SHANK2: variants seen among roughly 807,000 people sequenced by gnomAD.
The protein encoded by SHANK2 is SH3 and multiple ankyrin repeat domains protein 2.
Under a neutral mutation model 133.7 loss-of-function variants are expected in SHANK2, and 43 were observed. The observed-to-expected ratio is 0.32, with a 90% CI of 0.25 to 0.41. The LOEUF is 0.41. SHANK2 is among the 10% of genes least tolerant of loss of function. The pLI is 1.00. For synonymous variants in SHANK2, 1,017 were observed against 952.8 expected, an observed-to-expected ratio of 1.07 and a Z score of -1.24; for missense variants, 1,994 against 2,235.8, an observed-to-expected ratio of 0.89 and a Z score of 2.18.
intron 24 of SHANK2, among the ~76,000 whole-genome samples, chr11:70,488,474 C>T (rs1224700476): frequency 6.6e-6 from 1 of 152,192 alleles, no homozygotes; most frequent in South Asian, 2.1e-4. Flanking sequence ...CACTGGGCCC[C>T]ACTAAGGGTT....
intron 14 of SHANK2, among the ~76,000 whole-genome samples, chr11:70,769,468 A>G (rs781961843): frequency 5.3e-5 from 8 of 152,220 alleles, no homozygotes; most frequent in Non-Finnish European, 8.8e-5. Context: ...GCTCAAGGAC[A>G]GAGCATGTCC....
chr11:71,227,729 A>G (rs1207960430), intron 1 of SHANK2, among the ~76,000 whole-genome samples: 1 of 152,162 alleles, frequency 6.6e-6, no homozygotes, highest in African/African-American at 2.4e-5. Flanking sequence ...ATAGTTGTAG[A>G]ACCTTCCTCC....
At chr11:70,625,981 G>A (rs541309300) in intron 17 of SHANK2, among the ~76,000 whole-genome samples, 28 of 152,146 alleles carry the variant, frequency 1.8e-4, no homozygotes, top group Admixed American at 1.6e-3. Flanking sequence ...CCTCCCGCTC[G>A]GAGGGCTGAG....
intron 1 of SHANK2, among the ~76,000 whole-genome samples, chr11:71,230,217 G>A (rs1954719197): frequency 6.6e-6 from 1 of 152,048 alleles, no homozygotes; most frequent in Admixed American, 6.5e-5. Flanking sequence ...TTGAACCTGG[G>A]AAGCAGAGGT....
Position 70,908,000 on chromosome 11 carries a change from C to G in SHANK2, c.1108-11433G>C, listed in dbSNP as rs941344681. 1.8e-5 allele frequency: 8 copies of G among 433,042 alleles called. No individual in the cohort carries two copies. The East Asian group carries it at 5.8e-4, about 31-fold the overall frequency. 26.8% of individuals were successfully genotyped at this position (433,042 alleles called of 1,614,324 possible). On this transcript the variant is annotated intron_variant, in intron 10 of 25. Transcript: ENST00000601538. ...CCTGTAATCCCAGCTACTTGGGAGG[C>G]TGAGGCAGGAGAATCGCTTGAACCC...
chr11:71,100,145 G>C (rs923727756), intron 6 of SHANK2, among the ~76,000 whole-genome samples: 1 of 152,036 alleles, frequency 6.6e-6, no homozygotes, highest in Non-Finnish European at 1.5e-5. Flanking sequence ...GGAGCAACAG[G>C]AACTCTCATC....
chr11:70,556,415 C>T (rs938460044), intron 17 of SHANK2, among the ~76,000 whole-genome samples: 1 of 133,844 alleles, frequency 7.5e-6, no homozygotes, highest in Non-Finnish European at 1.6e-5. Context: ...CTCTCTCTCT[C>T]TCTCTCTAGC....
chr11:70,628,738 G>A (rs1254914802), intron 17 of SHANK2, among the ~76,000 whole-genome samples: 2 of 152,220 alleles, frequency 1.3e-5, no homozygotes, highest in Non-Finnish European at 2.9e-5. Flanking sequence ...CCGCCTCTGG[G>A]TGGTGAGGGG....
At chr11:70,755,539 G>A (rs1946848989) in intron 14 of SHANK2, among the ~76,000 whole-genome samples, 1 of 152,230 alleles carries the variant, frequency 6.6e-6, no homozygotes, top group Admixed American at 6.5e-5. Flanking sequence ...GGCTTTCCAG[G>A]CACGTCCCCA....
chr11:70,674,361 T>C (rs947852), intron 15 of SHANK2, among the ~76,000 whole-genome samples: 9,448 of 145,652 alleles, frequency 0.065, 920 homozygotes, highest in African/African-American at 0.21. Flanking sequence ...TGATGTCCCC[T>C]TTTTTTTTTT....
At chr11:70,679,038 A>G (rs1565235563) in intron 15 of SHANK2, among the ~76,000 whole-genome samples, 1 of 152,034 alleles carries the variant, frequency 6.6e-6, no homozygotes, top group African/African-American at 2.4e-5. Context: ...CCGCCCTCAC[A>G]TGACTGGGAA....
chr11:70,670,522 C>T (rs890578090), intron 15 of SHANK2, among the ~76,000 whole-genome samples: 8 of 152,176 alleles, frequency 5.3e-5, no homozygotes, highest in South Asian at 4.1e-4. Flanking sequence ...GAGGGCCGCT[C>T]GACAGGCGGG....
chr11:70,502,547 C>A (rs1222992896), intron 18 of SHANK2, among the ~76,000 whole-genome samples: 4 of 152,120 alleles, frequency 2.6e-5, no homozygotes, highest in African/African-American at 9.7e-5. Context: ...GGGAAGCCTG[C>A]GGAAGGGACG....
chr11:70,829,165 G>A (rs1359159457), intron 11 of SHANK2, among the ~76,000 whole-genome samples: 2 of 152,210 alleles, frequency 1.3e-5, no homozygotes, highest in African/African-American at 4.8e-5. Context: ...CCAGGCAGGG[G>A]ACAAAATGGA....
intron 9 of SHANK2, among the ~76,000 whole-genome samples, chr11:71,072,988 T>C (rs1043739086): frequency 1.2e-3 from 177 of 152,200 alleles, no homozygotes; most frequent in African/African-American, 3.8e-3. Context: ...CATAGCCATG[T>C]AAATGTACTT....
intron 10 of SHANK2, among the ~76,000 whole-genome samples, chr11:70,935,285 G>C (rs1950557122): frequency 6.6e-6 from 1 of 152,064 alleles, no homozygotes; most frequent in African/African-American, 2.4e-5. Flanking sequence ...GAAAAACACA[G>C]CCCATACATG....
chr11:70,645,157 G>A (rs1451601161), intron 17 of SHANK2, among the ~76,000 whole-genome samples: 1 of 152,124 alleles, frequency 6.6e-6, no homozygotes, highest in Non-Finnish European at 1.5e-5. Context: ...ATTGCAGTGG[G>A]CCGAGATCAC....
chr11:71,073,874 GC>G (rs1951182882), intron 9 of SHANK2, among the ~76,000 whole-genome samples: 1 of 152,164 alleles, frequency 6.6e-6, no homozygotes, highest in African/African-American at 2.4e-5. Flanking sequence ...ACTCTGATCT[GC>G]CCCTCTCCAT....
chr11:70,503,022 A>G, intron 17 of SHANK2, 91 bp from the exon 18 acceptor site: 1 of 1,428,224 alleles, frequency 7.0e-7, no homozygotes, highest in Non-Finnish European at 9.9e-7. Flanking sequence ...GTGGGCTCCT[A>G]AAAAGGGGGC....
Sources: allele counts gnomAD v4.1 joint callset (sites outside exome capture counted in the v4.1 genomes callset), GRCh38; gene constraint gnomAD v4.1.1; transcripts MANE v1.5; gene names NCBI Gene and HGNC (gene_info 2026-07-23, HGNC 2026-07-21).